RIMKLB: variants seen among roughly 807,000 people sequenced by gnomAD.
The protein encoded by RIMKLB is ribosomal modification protein rimK like family member B.
In RIMKLB, 7 loss-of-function variants were observed where a neutral mutation model predicts 32.0. That is an observed-to-expected ratio of 0.22 (90% CI 0.12 to 0.41). The LOEUF (loss-of-function observed/expected upper bound fraction) is 0.41, where lower values mean the gene tolerates loss of function less well. RIMKLB is among the 10% of genes least tolerant of loss of function. The pLI, the probability that RIMKLB is intolerant of heterozygous loss-of-function variation, is 1.00. For missense variants in RIMKLB, 289 were observed against 498.7 expected (o/e 0.58, Z 4.00); for synonymous variants, 172 against 185.1 (o/e 0.93, Z 0.57).
downstream of RIMKLB, chr12:8,777,553 T>C (rs1264199009): frequency 8.0e-7 from 1 of 1,252,298 alleles, no homozygotes; most frequent in Admixed American, 2.6e-5. Flanking sequence ...TTTAAAGAAA[T>C]ATTCTAACTG....
At chr12:8,758,441 C>G (rs768929417) in intron 5 of RIMKLB, among the ~76,000 whole-genome samples, 6 of 152,232 alleles carry the variant, frequency 3.9e-5, no homozygotes, top group African/African-American at 1.4e-4. Context: ...AATCTGACTT[C>G]AAATTCTTCT....
intron 5 of RIMKLB, among the ~76,000 whole-genome samples, chr12:8,757,077 C>G (rs1949099615): frequency 6.6e-6 from 1 of 152,124 alleles, no homozygotes; most frequent in Non-Finnish European, 1.5e-5. Flanking sequence ...TGCTGACTAG[C>G]TAGAAGAGAG....
intron 5 of RIMKLB, 134 bp downstream of exon 5, chr12:8,754,227 T>A: frequency 1.5e-6 from 1 of 646,478 alleles, no homozygotes; most frequent in Non-Finnish European, 2.7e-6. Context: ...TAAATATGAT[T>A]TTTACACATG....
rs753729849 is a variant in RIMKLB, at chr12:8,775,497, T to A, written c.*1713T>A. On this transcript the variant is annotated 3_prime_UTR_variant, in exon 6 of 6. Transcript: ENST00000535829. ...CATCTCCCTACGAATCCTCTGAAGC[T>A]TTTACCCAAGCCCTTTCTTGCCTCT... The A allele has an allele frequency of 2.0e-6, 2 of 985,790 alleles. No individual in the cohort carries two copies. The highest frequency in any genetic ancestry group is 2.4e-6 in the Non-Finnish European group (2 of 829,884). 61.1% of individuals were successfully genotyped at this position (985,790 alleles called of 1,614,324 possible). A position where few individuals can be genotyped will look rare whatever the true frequency, so the allele number is the denominator to read the frequency against.
intron 1 of RIMKLB, among the ~76,000 whole-genome samples, chr12:8,691,593 G>A (rs767780626): frequency 1.3e-4 from 20 of 152,290 alleles, no homozygotes; most frequent in Admixed American, 2.6e-4. Flanking sequence ...GTGACAGAGT[G>A]AGACTGTCTC....
Position 8,743,354 on chromosome 12 carries a change from C to CAA in RIMKLB, c.176-6486_176-6485dup, listed in dbSNP as rs60066068. Among the ~76,000 whole-genome samples the CAA allele has an allele frequency of 4.0e-3, 258 of 64,194 alleles. 3 individuals are homozygous for CAA. The highest frequency in any genetic ancestry group is 4.7e-3 in the Non-Finnish European group (153 of 32,738). 42.1% of individuals were successfully genotyped at this position (64,194 alleles called of 152,430 possible). A position where few individuals can be genotyped will look rare whatever the true frequency, so the allele number is the denominator to read the frequency against. ...GGGTGACAGAGCCAAGAGTCTGTCT[C>CAA]AAAAAAAAAAAAAAAAAAAAAAATT... On this transcript the variant is annotated intron_variant, in intron 2 of 5. Transcript: ENST00000535829.
chr12:8,748,794 C>T (rs958374663), intron 2 of RIMKLB, among the ~76,000 whole-genome samples: 3 of 151,718 alleles, frequency 2.0e-5, no homozygotes, highest in Non-Finnish European at 4.4e-5. Flanking sequence ...AAAAAATTTG[C>T]CAGGCATGGT....
chr12:8,721,272 C>T (rs1379262643), intron 2 of RIMKLB, among the ~76,000 whole-genome samples: 1 of 152,104 alleles, frequency 6.6e-6, no homozygotes, highest in African/African-American at 2.4e-5. Flanking sequence ...TCTTGAAATA[C>T]GAAAACAATG....
At chr12:8,686,909 T>C (rs764991757) in intron 1 of RIMKLB, among the ~76,000 whole-genome samples, 3 of 152,356 alleles carry the variant, frequency 2.0e-5, no homozygotes, top group South Asian at 2.1e-4. Flanking sequence ...TTATGAACTT[T>C]AGTGCATCAG....
At position 8,777,098 on chromosome 12, in the gene RIMKLB, TTTTA is replaced by T. The variant is rs781004480; in HGVS notation, c.*3318_*3321del. 290 of 985,978 alleles carry T rather than the reference TTTTA, an allele frequency of 2.9e-4. No individual in the cohort carries two copies. The highest frequency in any genetic ancestry group is 2.9e-3 in the African/African-American group (166 of 57,326). The allele number at this position is 985,978 out of a possible 1,614,324, so 61.1% of individuals were successfully genotyped here. A position where few individuals can be genotyped will look rare whatever the true frequency, so the allele number is the denominator to read the frequency against. ...GACAGGTAACCACTGCTGCTACTGT[TTTTA>T]TTTGTTTGTTTGTTCAATTTTATTT... On this transcript the variant is annotated 3_prime_UTR_variant, in exon 6 of 6. Coordinates refer to ENST00000535829, the MANE Select transcript of RIMKLB (RefSeq NM_001297776.2).
rs1950664160 is a variant in RIMKLB, at chr12:8,775,240, GT to G, written c.*1459del. Reference sequence around the variant, plus strand: ...GATTGGGGGTGGGTTGGATGTTTTTGTTTGGGGACTTATTTAGTAGTATTGA... The same window carrying G: ...GATTGGGGGTGGGTTGGATGTTTTTGTTGGGGACTTATTTAGTAGTATTGA... On this transcript the variant is annotated 3_prime_UTR_variant, in exon 6 of 6. Coordinates refer to ENST00000535829, the MANE Select transcript of RIMKLB (RefSeq NM_001297776.2). 1 of 985,418 alleles carries G rather than the reference GT, an allele frequency of 1.0e-6. No homozygotes were observed. The highest frequency in any genetic ancestry group is 1.2e-6 in the Non-Finnish European group (1 of 829,808). The allele number at this position is 985,418 out of a possible 1,614,324, so 61.0% of individuals were successfully genotyped here.
At chr12:8,687,591 C>CT (rs1343348518) in intron 1 of RIMKLB, among the ~76,000 whole-genome samples, 2 of 152,138 alleles carry the variant, frequency 1.3e-5, no homozygotes, top group African/African-American at 4.8e-5. Context: ...CCAAGTTGCC[C>CT]TGGACAAAAT....
intron 5 of RIMKLB, among the ~76,000 whole-genome samples, chr12:8,764,264 T>G (rs1270143416): frequency 6.6e-6 from 1 of 152,164 alleles, no homozygotes; most frequent in Non-Finnish European, 1.5e-5. Context: ...AATTCTTCGC[T>G]TGTCCATATT....
intron 5 of RIMKLB, among the ~76,000 whole-genome samples, chr12:8,766,228 A>G (rs1949947357): frequency 6.6e-6 from 1 of 152,164 alleles, no homozygotes; most frequent in African/African-American, 2.4e-5. Flanking sequence ...GTAACCACCC[A>G]TGGACTTCTG....
rs188480544 is a variant in RIMKLB, at chr12:8,729,467, T to C, written c.175+15426T>C. On this transcript the variant is annotated intron_variant, in intron 2 of 5. Coordinates refer to ENST00000535829, the MANE Select transcript of RIMKLB (RefSeq NM_001297776.2). ...GCTGCTTCTCTCTGATATCTAACCA[T>C]AGTCTCCGACGTCCAGCTGCTTCTC... Among the ~76,000 whole-genome samples the C allele has an allele frequency of 3.9e-4, 59 of 152,054 alleles. 1 individual carries two copies. The highest frequency in any genetic ancestry group is 3.9e-3 in the Admixed American group (59 of 15,274).
At chr12:8,718,663 ATATATATGTGTGTGTGTG>A (rs1374063515) in intron 2 of RIMKLB, among the ~76,000 whole-genome samples, 2,991 of 116,104 alleles carry the variant, frequency 0.026, 91 homozygotes, top group African/African-American at 0.084. Flanking sequence ...CTATATATAT[ATATATATGTGTGTGTGTG>A]TGTGTGTGTG....
At chr12:8,724,442 A>G (rs1009187488) in intron 2 of RIMKLB, among the ~76,000 whole-genome samples, 2 of 151,284 alleles carry the variant, frequency 1.3e-5, no homozygotes, top group African/African-American at 4.9e-5. Context: ...CTTTTTTCTG[A>G]TTTTTTTTGT....
At chr12:8,753,013 TGGTATTACA>T (rs1189627463) in intron 4 of RIMKLB, among the ~76,000 whole-genome samples, 9 of 152,244 alleles carry the variant, frequency 5.9e-5, no homozygotes, top group African/African-American at 2.2e-4. Context: ...CCCCAAGTGT[TGGTATTACA>T]GGTGTGAGCC....
chr12:8,740,576 G>A (rs775204167), intron 2 of RIMKLB, among the ~76,000 whole-genome samples: 1 of 152,206 alleles, frequency 6.6e-6, no homozygotes, highest in Admixed American at 6.5e-5. Flanking sequence ...TCACTCGTAA[G>A]TGAGAACATA....
Sources: gnomAD v4.1 joint callset for allele counts (sites outside exome capture counted in the v4.1 genomes callset) on GRCh38, gnomAD v4.1.1 for gene constraint, MANE v1.5 for transcripts, NCBI Gene and HGNC (gene_info 2026-07-23, HGNC 2026-07-21) for gene names.